The following LRRC3B variants were observed in gnomAD, a reference collection of about 807,000 sequenced individuals.
The protein encoded by LRRC3B is leucine rich repeat containing 3B, also known as leucine-rich repeat-containing protein 3B.
Under a neutral mutation model 12.8 loss-of-function variants are expected in LRRC3B, and 2 were observed. The ratio of observed to expected loss-of-function variants is 0.16; its 90% CI spans 0.06 to 0.49. The LOEUF is 0.49. Ranked by LOEUF, LRRC3B falls within the 20% of genes least tolerant of loss-of-function variation. The probability of loss-of-function intolerance (pLI) is 0.96; values close to 1 mark genes in which losing one functional copy is unlikely to be tolerated. For synonymous variants in LRRC3B, 132 were observed against 122.0 expected, an observed-to-expected ratio of 1.08 and a Z score of -0.54; for missense variants, 189 against 319.4, an observed-to-expected ratio of 0.59 and a Z score of 3.11.
At chr3:26,709,029 C>T (rs756180516) in intron 1 of LRRC3B, among the ~76,000 whole-genome samples, 9 of 152,124 alleles carry the variant, frequency 5.9e-5, no homozygotes, top group Non-Finnish European at 1.3e-4. Flanking sequence ...TCTTTAGAGA[C>T]AATATTCCAA....
intron 1 of LRRC3B, among the ~76,000 whole-genome samples, chr3:26,646,598 TAAAAAAAAAAAA>T (rs529066996): frequency 9.0e-5 from 9 of 99,664 alleles, no homozygotes; most frequent in South Asian, 4.1e-4. Context: ...GGATAGGAGG[TAAAAAAAAAAAA>T]AAAAAAAAAA....
At chr3:26,701,612 CA>C (rs1700456549) in intron 1 of LRRC3B, among the ~76,000 whole-genome samples, 1 of 152,082 alleles carries the variant, frequency 6.6e-6, no homozygotes, top group African/African-American at 2.4e-5. Flanking sequence ...CCCTTATTGA[CA>C]AACTCTGGGA....
At chr3:26,710,433 A>T (rs1700723361) in exon 2 of LRRC3B, 1 of 1,610,170 alleles carries the variant, frequency 6.2e-7, no homozygotes, top group African/African-American at 1.3e-5. Flanking sequence ...GAACCTGATG[A>T]TATTAGCACT....
At chr3:26,700,978 G>A (rs1403303992) in intron 1 of LRRC3B, among the ~76,000 whole-genome samples, 1 of 152,070 alleles carries the variant, frequency 6.6e-6, no homozygotes, top group African/African-American at 2.4e-5. Flanking sequence ...TGCCTCTACT[G>A]TTCCTTTAAT....
At chr3:26,646,242 G>A (rs1272776361) in intron 1 of LRRC3B, among the ~76,000 whole-genome samples, 2 of 152,106 alleles carry the variant, frequency 1.3e-5, no homozygotes, top group Non-Finnish European at 2.9e-5. Flanking sequence ...TCCAACCAGC[G>A]ATTTTCAATA....
At chr3:26,639,190 A>C (rs968958012) in intron 1 of LRRC3B, among the ~76,000 whole-genome samples, 1 of 152,230 alleles carries the variant, frequency 6.6e-6, no homozygotes, top group African/African-American at 2.4e-5. Context: ...TTAAACATGT[A>C]AAAAGAAAAA....
At position 26,638,540 on chromosome 3, in the gene LRRC3B, G is replaced by A. The variant is rs551526292; in HGVS notation, c.-161+15303G>A. 2.3e-4 allele frequency among the ~76,000 whole-genome samples: 35 copies of A among 152,280 alleles called. No individual in the cohort carries two copies. The South Asian group carries it at 7.1e-3, about 31-fold the overall frequency. On this transcript the variant is annotated intron_variant, in intron 1 of 1. Coordinates refer to ENST00000396641, the Ensembl canonical transcript of LRRC3B. ...AAAGTGTGAATCAATACCTGATGAT[G>A]TGGAAAATAACAACTAAAGCAGTTC... is the stretch of plus-strand genomic sequence containing the variant.
At chr3:26,660,839 C>CA (rs1699478177) in intron 1 of LRRC3B, among the ~76,000 whole-genome samples, 1 of 152,020 alleles carries the variant, frequency 6.6e-6, no homozygotes, top group South Asian at 2.1e-4. Flanking sequence ...CTATTTTGCC[C>CA]AAACCTATTT....
intron 1 of LRRC3B, among the ~76,000 whole-genome samples, chr3:26,685,758 T>TC (rs1044098810): frequency 2.0e-5 from 3 of 151,988 alleles, no homozygotes; most frequent in African/African-American, 7.3e-5. Flanking sequence ...TTCATGAATC[T>TC]CTATTCACTG....
At chr3:26,710,527 C>T in exon 2 of LRRC3B, 1 of 1,392,924 alleles carries the variant, frequency 7.2e-7, no homozygotes, top group Non-Finnish European at 9.7e-7. Flanking sequence ...TTTACTTCTC[C>T]CATCCATTGT....
At chr3:26,635,065 G>A (rs1186950506) in intron 1 of LRRC3B, among the ~76,000 whole-genome samples, 2 of 152,182 alleles carry the variant, frequency 1.3e-5, no homozygotes, top group African/African-American at 4.8e-5. Context: ...TTCATTATGA[G>A]TTTTGGCTCC....
At chr3:26,686,408 C>A (rs140043219) in intron 1 of LRRC3B, among the ~76,000 whole-genome samples, 2 of 152,260 alleles carry the variant, frequency 1.3e-5, no homozygotes, top group Admixed American at 6.5e-5. Flanking sequence ...ATTTTCCATG[C>A]TCCTTATGGT....
intron 1 of LRRC3B, among the ~76,000 whole-genome samples, chr3:26,647,737 G>GA (rs945281363): frequency 6.6e-6 from 1 of 152,038 alleles, no homozygotes; most frequent in African/African-American, 2.4e-5. Context: ...TGAAGCAAGA[G>GA]AAAAAAAGTC....
intron 1 of LRRC3B, among the ~76,000 whole-genome samples, chr3:26,706,239 C>T (rs1162069054): frequency 1.3e-5 from 2 of 152,100 alleles, no homozygotes; most frequent in African/African-American, 4.8e-5. Flanking sequence ...AAAGGCCCCA[C>T]CTCCAAATAT....
chr3:26,670,846 G>C (rs913811411), intron 1 of LRRC3B, among the ~76,000 whole-genome samples: 8 of 152,114 alleles, frequency 5.3e-5, no homozygotes, highest in Admixed American at 4.6e-4. Flanking sequence ...CATAATAAAA[G>C]CTCAATAACT....
intron 1 of LRRC3B, among the ~76,000 whole-genome samples, chr3:26,648,300 A>G (rs1331763922): frequency 1.3e-5 from 2 of 152,142 alleles, no homozygotes; most frequent in Non-Finnish European, 2.9e-5. Context: ...ATCCTAATAA[A>G]GACTAAATCA....
At chr3:26,653,223 G>A (rs887338904) in intron 1 of LRRC3B, among the ~76,000 whole-genome samples, 1 of 151,602 alleles carries the variant, frequency 6.6e-6, no homozygotes, top group Admixed American at 6.6e-5. Context: ...GAAAATGAGG[G>A]AAAAAATATT....
At chr3:26,687,112 G>A (rs1700104073) in intron 1 of LRRC3B, among the ~76,000 whole-genome samples, 1 of 152,162 alleles carries the variant, frequency 6.6e-6, no homozygotes, top group African/African-American at 2.4e-5. Flanking sequence ...GGGCATTGGT[G>A]ACTGTAGTCC....
chr3:26,691,272 A>C (rs989908357), intron 1 of LRRC3B, among the ~76,000 whole-genome samples: 1 of 151,844 alleles, frequency 6.6e-6, no homozygotes, highest in Non-Finnish European at 1.5e-5. Context: ...AGGACAAATT[A>C]TATGAAGGTT....
Sources: gnomAD v4.1 joint callset for allele counts (sites outside exome capture counted in the v4.1 genomes callset) on GRCh38, gnomAD v4.1.1 for gene constraint, MANE v1.5 for transcripts, NCBI Gene and HGNC (gene_info 2026-07-23, HGNC 2026-07-21) for gene names.